Variants in ZMYND8 observed in about 807,000 individuals in gnomAD.
ZMYND8 encodes the protein zinc finger MYND-type containing 8, also known as MYND-type zinc finger-containing chromatin reader ZMYND8.
In ZMYND8, 37 loss-of-function variants were observed where a neutral mutation model predicts 140.8. The observed-to-expected ratio is 0.26, with a 90% CI of 0.20 to 0.35. The LOEUF is 0.35. Among genes scored for constraint, ZMYND8 ranks in the 10% least tolerant of loss-of-function variants. ZMYND8 has a pLI of 1.00. For synonymous variants in ZMYND8, 592 were observed against 597.1 expected, an observed-to-expected ratio of 0.99 and a Z score of 0.12; for missense variants, 1,068 against 1,570.0, an observed-to-expected ratio of 0.68 and a Z score of 5.40.
Position 47,328,838 on chromosome 20 carries a change from G to T in ZMYND8, c.86-18634C>A, listed in dbSNP as rs542201951. On this transcript the variant is annotated intron_variant, in intron 2 of 22. Coordinates refer to ENST00000471951, the MANE Select transcript of ZMYND8 (RefSeq NM_001281775.3). ...AACTACCATGAAATGCCAGTCCCTT[G>T]TTAGTCTAAAGAGGTGAGAGTTATT... Among the ~76,000 whole-genome samples, 5 of 152,334 alleles carry T rather than the reference G, an allele frequency of 3.3e-5. 1 individual carries two copies. The highest frequency in any genetic ancestry group is 1.2e-4 in the African/African-American group (5 of 41,584).
chr20:47,247,654 A>G (rs944757878), intron 13 of ZMYND8, among the ~76,000 whole-genome samples: 2 of 152,254 alleles, frequency 1.3e-5, no homozygotes, highest in Non-Finnish European at 2.9e-5. Context: ...AAGTCTGTGC[A>G]ATCTCTTCAT....
At chr20:47,213,011 A>G (rs986669376) in intron 21 of ZMYND8, among the ~76,000 whole-genome samples, 2 of 152,242 alleles carry the variant, frequency 1.3e-5, no homozygotes, top group Non-Finnish European at 2.9e-5. Context: ...TAAGCCACAA[A>G]TTTTCAACCA....
At chr20:47,347,517 G>A (rs889080276) in intron 2 of ZMYND8, among the ~76,000 whole-genome samples, 1 of 152,142 alleles carries the variant, frequency 6.6e-6, no homozygotes, top group Non-Finnish European at 1.5e-5. Context: ...ATCAGAAAAC[G>A]AGCAGCAGCT....
chr20:47,215,647 C>T (rs1006177115), intron 21 of ZMYND8, among the ~76,000 whole-genome samples: 1 of 151,990 alleles, frequency 6.6e-6, no homozygotes, highest in African/African-American at 2.4e-5. Context: ...GTAGCTGGGA[C>T]TACAGGTGGG....
In ZMYND8 at chr20:47,220,340, G is replaced by T; in HGVS notation, c.3418-16C>A. The T allele has an allele frequency of 1.3e-6, 2 of 1,549,376 alleles. No individual in the cohort carries two copies. The highest frequency in any genetic ancestry group is 1.9e-5 in the Admixed American group (1 of 51,388). Reference sequence around the variant, plus strand: ...GGTCAAGGGTCTAGAAATACAAAAAGAAAAAGATGGACTCAAGGCACTGAG... The same window carrying T: ...GGTCAAGGGTCTAGAAATACAAAAATAAAAAGATGGACTCAAGGCACTGAG... On this transcript the variant is annotated splice_polypyrimidine_tract_variant and intron_variant, in intron 20 of 22. Coordinates refer to ENST00000471951, the MANE Select transcript of ZMYND8 (RefSeq NM_001281775.3).
intron 2 of ZMYND8, among the ~76,000 whole-genome samples, chr20:47,344,197 C>T (rs1602123076): frequency 6.6e-6 from 1 of 151,882 alleles, no homozygotes; most frequent in South Asian, 2.1e-4. Flanking sequence ...AGGATGGTCT[C>T]GAACTCTTGA....
intron 1 of ZMYND8, chr20:47,350,076 G>A (rs2082646461): frequency 2.9e-6 from 4 of 1,371,596 alleles, no homozygotes; most frequent in Non-Finnish European, 2.8e-6. Flanking sequence ...AGAAGAGAGA[G>A]GGAAAAAAAA....
chr20:47,347,679 AAGG>A (rs1319216754), intron 2 of ZMYND8, among the ~76,000 whole-genome samples, 174 bp downstream of exon 2: 4 of 152,222 alleles, frequency 2.6e-5, no homozygotes, highest in Non-Finnish European at 5.9e-5. Flanking sequence ...AGAAAACCAA[AAGG>A]AGGAGAGTTC....
intron 12 of ZMYND8, 52 bp from the exon 13 acceptor site, chr20:47,249,491 A>G: frequency 1.3e-6 from 2 of 1,584,756 alleles, no homozygotes; most frequent in Middle Eastern, 1.7e-4. Flanking sequence ...CATCCTCATC[A>G]CGGAGCTTCG....
chr20:47,296,494 A>G (rs2077643287), intron 4 of ZMYND8, among the ~76,000 whole-genome samples: 1 of 151,966 alleles, frequency 6.6e-6, no homozygotes, highest in South Asian at 2.1e-4. Context: ...TAATACCTGA[A>G]CCCTAGCAGT....
chr20:47,304,903 T>G (rs1356912458), intron 3 of ZMYND8, among the ~76,000 whole-genome samples: 1 of 152,060 alleles, frequency 6.6e-6, no homozygotes, highest in Non-Finnish European at 1.5e-5. Context: ...ATCCCTGCAC[T>G]CCCCTGAACT....
intron 11 of ZMYND8, among the ~76,000 whole-genome samples, chr20:47,268,542 C>T (rs563172678): frequency 1.3e-5 from 2 of 151,608 alleles, no homozygotes; most frequent in South Asian, 4.2e-4. Flanking sequence ...ATCCGCCCGC[C>T]TCGGCCTCCC....
At chr20:47,282,289 TGAG>T in intron 9 of ZMYND8, 72 bp from the exon 10 acceptor site, 1 of 1,365,196 alleles carries the variant, frequency 7.3e-7, no homozygotes. Context: ...GTTTGGTATG[TGAG>T]GATGAAGCAG....
chr20:47,319,012 A>G (rs376046206), intron 2 of ZMYND8: 20 of 1,351,274 alleles, frequency 1.5e-5, no homozygotes, highest in Non-Finnish European at 1.9e-5. Flanking sequence ...AAGAGAACAG[A>G]GGCTCACCCA....
At chr20:47,211,440 C>T (rs2035240153) in intron 22 of ZMYND8, among the ~76,000 whole-genome samples, 1 of 150,814 alleles carries the variant, frequency 6.6e-6, no homozygotes, top group Non-Finnish European at 1.5e-5. Flanking sequence ...TGGGAACACA[C>T]ACCCACTGAC....
intron 12 of ZMYND8, among the ~76,000 whole-genome samples, chr20:47,255,586 G>GTT (rs2074547925): frequency 2.0e-5 from 1 of 49,210 alleles, no homozygotes. Context: ...GTGTGTGTGT[G>GTT]TGTGTGTGTA....
intron 14 of ZMYND8, among the ~76,000 whole-genome samples, chr20:47,239,788 T>C (rs1275270788): frequency 6.6e-6 from 1 of 152,268 alleles, no homozygotes; most frequent in Non-Finnish European, 1.5e-5. Flanking sequence ...GCAATGGTAC[T>C]GATCTAGGAT....
chr20:47,223,485 A>G (rs1045664420), intron 19 of ZMYND8, among the ~76,000 whole-genome samples: 1 of 151,988 alleles, frequency 6.6e-6, no homozygotes, highest in East Asian at 1.9e-4. Context: ...AGCCTGGGGG[A>G]CAAGAGCAAA....
In ZMYND8 at chr20:47,220,244, A is replaced by AG. The variant is rs769401482; in HGVS notation, c.3484+13dup. The AG allele has an allele frequency of 1.3e-6, 2 of 1,555,662 alleles. No homozygotes were observed. The highest frequency in any genetic ancestry group is 1.7e-6 in the Non-Finnish European group (2 of 1,148,446). On this transcript the variant is annotated intron_variant, in intron 21 of 22. Transcript: ENST00000471951. The stretch of plus-strand genomic sequence containing the variant: ...AATGTGAAAGCACCGTTCGCCCACC[A>AG]GGGGGCAACATACCAGAGCCTTGGT...
Sources: gnomAD v4.1 joint callset for allele counts (sites outside exome capture counted in the v4.1 genomes callset) on GRCh38, gnomAD v4.1.1 for gene constraint, MANE v1.5 for transcripts, NCBI Gene and HGNC (gene_info 2026-07-23, HGNC 2026-07-21) for gene names.